The following USP4 variants were observed in gnomAD, a reference collection of about 807,000 sequenced individuals.
USP4 encodes the protein ubiquitin specific peptidase 4.
USP4 carries 72 observed loss-of-function variants against 118.2 expected under a neutral mutation model. The ratio of observed to expected loss-of-function variants is 0.61; its 90% confidence interval spans 0.50 to 0.74. USP4 has a LOEUF of 0.74. Ranked by LOEUF, USP4 falls within the 30% of genes least tolerant of loss-of-function variation. The pLI, the probability that USP4 is intolerant of heterozygous loss-of-function variation, is 0.00. For missense variants in USP4, 1,037 were observed against 1,185.7 expected, an observed-to-expected ratio of 0.87 and a Z score of 1.84; for synonymous variants, 415 against 440.4, an observed-to-expected ratio of 0.94 and a Z score of 0.72.
intron 13 of USP4, among the ~76,000 whole-genome samples, chr3:49,295,567 G>A (rs2047195870): frequency 6.6e-6 from 1 of 152,038 alleles, no homozygotes. Context: ...ATGGGATTGA[G>A]GAGATTTATA....
rs754425162 is a variant in USP4 at position 49,310,742 on chromosome 3, A to C, written c.837-5T>G. 6.2e-7 allele frequency: 1 copy of C among 1,606,478 alleles called. No homozygotes were observed. The highest frequency in any genetic ancestry group is 8.5e-7 in the Non-Finnish European group (1 of 1,173,146). On this transcript the variant is annotated splice_region_variant and splice_polypyrimidine_tract_variant and intron_variant, in intron 7 of 21. Coordinates refer to ENST00000265560, the MANE Select transcript of USP4 (RefSeq NM_003363.4). ...GAAGCAGAAAAGCCAGATCCACTGG[A>C]AAACACAACACACATCAGCAATAAA...
intron 15 of USP4, 21 bp from the exon 16 acceptor site, chr3:49,286,346 AAT>A (rs1464721963): frequency 2.5e-6 from 4 of 1,607,714 alleles, no homozygotes; most frequent in Non-Finnish European, 3.4e-6. Context: ...AATGGAAAAC[AAT>A]ATGTATATAA....
intron 9 of USP4, among the ~76,000 whole-genome samples, chr3:49,303,168 C>T (rs559805504): frequency 1.2e-3 from 176 of 152,238 alleles, no homozygotes; most frequent in African/African-American, 3.9e-3. Flanking sequence ...CAGCCAGGCA[C>T]GGTGGCTCAT....
Position 49,294,467 on chromosome 3 carries a change from G to A in USP4, c.1823C>T (p.Ser608Phe). ...SALYGQPLLL[S>F]VPKHKLTLES... is the part of the protein sequence containing the mutation. Reference sequence around the variant, plus strand: ...AAGGGTTAACTTGTGCTTGGGGACAGAAAGCAATAGTGGCTGCCCATATAG... The same window carrying A: ...AAGGGTTAACTTGTGCTTGGGGACAAAAAGCAATAGTGGCTGCCCATATAG... The change falls in exon 14 of 22, where the codon TCT becomes TTT. Residue 608 changes from serine (S) to phenylalanine (F), a missense_variant. Transcript: ENST00000265560. 2 of 1,614,204 alleles carry A rather than the reference G, an allele frequency of 1.2e-6. No homozygotes were observed. The highest frequency in any genetic ancestry group is 2.2e-5 in the South Asian group (2 of 91,088).
chr3:49,327,264 G>T (rs1456706798), intron 3 of USP4, among the ~76,000 whole-genome samples: 1 of 152,082 alleles, frequency 6.6e-6, no homozygotes, highest in Non-Finnish European at 1.5e-5. Context: ...CAGGCTGGGC[G>T]TAGTGGCTCA....
chr3:49,330,792 C>T (rs1189184886), intron 2 of USP4, among the ~76,000 whole-genome samples: 3 of 150,394 alleles, frequency 2.0e-5, no homozygotes, highest in Non-Finnish European at 3.0e-5. Flanking sequence ...GGGTGGATCA[C>T]GAGATCAGGA....
In USP4 at chr3:49,292,288, G is replaced by GA. The variant is rs146147164; in HGVS notation, c.1972+221dup. Among the ~76,000 whole-genome samples, 378 of 107,902 alleles carry GA rather than the reference G, an allele frequency of 3.5e-3. 1 individual carries two copies. Among genetic ancestry groups the GA allele is most frequent in the East Asian group, 9.3e-3 (36 of 3,884 alleles). The allele number at this position is 107,902 out of a possible 152,430, so 70.8% of individuals were successfully genotyped here. ...GTGACAGGAATGAGACCCCTATCTGGAAAAAAAAAAAAAAAAAAGGAAGAT... is the reference window on the plus strand; with the variant it reads ...GTGACAGGAATGAGACCCCTATCTGGAAAAAAAAAAAAAAAAAAAGGAAGAT... On this transcript the variant is annotated intron_variant, in intron 15 of 21. Transcript: ENST00000265560.
At chr3:49,314,260 G>A (rs2047413713) in intron 6 of USP4, among the ~76,000 whole-genome samples, 1 of 152,176 alleles carries the variant, frequency 6.6e-6, no homozygotes, top group Non-Finnish European at 1.5e-5. Flanking sequence ...GCAGGTACCT[G>A]AACTGAGGTT....
In USP4 at chr3:49,328,938, C is replaced by T. The variant is rs570128119; in HGVS notation, c.230-1122G>A. ...CTCACACCTGTAATCCCAGCACTTTCGGAGGCCGAGGTGGGCAGATCATGA... is the reference window on the plus strand; with the variant it reads ...CTCACACCTGTAATCCCAGCACTTTTGGAGGCCGAGGTGGGCAGATCATGA... On this transcript the variant is annotated intron_variant, in intron 2 of 21. Coordinates refer to ENST00000265560, the MANE Select transcript of USP4 (RefSeq NM_003363.4). Among the ~76,000 whole-genome samples the T allele has an allele frequency of 9.2e-5, 14 of 151,736 alleles. No homozygotes were observed. The East Asian group carries it at 1.6e-3, about 17-fold the overall frequency.
At chr3:49,337,719 G>GA (rs2047684173) in intron 1 of USP4, among the ~76,000 whole-genome samples, 2 of 151,932 alleles carry the variant, frequency 1.3e-5, no homozygotes, top group African/African-American at 4.8e-5. Context: ...TTACAGGCAT[G>GA]AGCCACTGCA....
At chr3:49,301,829 T>C (rs761842247) in intron 10 of USP4, among the ~76,000 whole-genome samples, 1 of 152,200 alleles carries the variant, frequency 6.6e-6, no homozygotes, top group Non-Finnish European at 1.5e-5. Context: ...GTAGCTGAAA[T>C]ACTAAAATCC....
At chr3:49,329,394 T>TTG (rs1274388474) in intron 2 of USP4, among the ~76,000 whole-genome samples, 2 of 151,512 alleles carry the variant, frequency 1.3e-5, no homozygotes, top group Admixed American at 6.6e-5. Context: ...ATGAATATTT[T>TTG]TGTGTGTGTG....
intron 7 of USP4, 54 bp downstream of exon 7, chr3:49,311,460 C>T: frequency 8.8e-6 from 14 of 1,593,266 alleles, no homozygotes; most frequent in Non-Finnish European, 1.2e-5. Context: ...TCTCAAGATA[C>T]AGCCTGGGAA....
intron 9 of USP4, among the ~76,000 whole-genome samples, chr3:49,302,940 C>T (rs2047276091): frequency 6.6e-6 from 1 of 152,160 alleles, no homozygotes; most frequent in African/African-American, 2.4e-5. Context: ...CATAACAGCC[C>T]TCAGGTCCCT....
chr3:49,277,148 C>G lies in USP4; in HGVS notation c.*1145G>C, dbSNP rs577282220. On this transcript the variant is annotated 3_prime_UTR_variant, in exon 22 of 22. Coordinates refer to ENST00000265560, the MANE Select transcript of USP4 (RefSeq NM_003363.4). ...CAGGCCGCTGGCCCTACCGGCACCC[C>G]CCCTTTGGCGAGTCGGCAGCCACGT... 4 of 1,440,212 alleles carry G rather than the reference C, an allele frequency of 2.8e-6. No individual in the cohort carries two copies. The highest frequency in any genetic ancestry group is 2.1e-5 in the Admixed American group (1 of 47,892). 89.2% of individuals were successfully genotyped at this position (1,440,212 alleles called of 1,614,324 possible). A position where few individuals can be genotyped will look rare whatever the true frequency, so the allele number is the denominator to read the frequency against.
Position 49,306,514 on chromosome 3 carries a change from T to G in USP4, c.955-626A>C, listed in dbSNP as rs144154424. ...CACCGCGCCCAGCCTTTTTCATTAG[T>G]TTCTGTTCTTAACGCTATTAGTTCT... On this transcript the variant is annotated intron_variant, in intron 8 of 21. Transcript: ENST00000265560. 2.4e-4 allele frequency among the ~76,000 whole-genome samples: 36 copies of G among 152,050 alleles called. No individual in the cohort carries two copies. In the East Asian group the frequency reaches 6.4e-3, roughly 27 times the overall value.
intron 6 of USP4, chr3:49,317,626 C>T (rs1453849803): frequency 3.5e-6 from 2 of 575,910 alleles, no homozygotes; most frequent in Non-Finnish European, 6.1e-6. Context: ...ACTGCATGCT[C>T]CGCCTCCTGG....
intron 19 of USP4, among the ~76,000 whole-genome samples, chr3:49,281,489 TATACACAC>T (rs1159522304): frequency 1.8e-5 from 2 of 109,078 alleles, no homozygotes; most frequent in South Asian, 2.6e-4. Flanking sequence ...TATATATATA[TATACACAC>T]ACACACACAC....
rs570168938 is a variant in USP4 at position 49,311,879 on chromosome 3, A to T, written c.696-225T>A. ...AGTCCACACCACCACATACCCTTTCAGTGTGAAAAACCACAAGGCTGACCA... is the reference window on the plus strand; with the variant it reads ...AGTCCACACCACCACATACCCTTTCTGTGTGAAAAACCACAAGGCTGACCA... On this transcript the variant is annotated intron_variant, in intron 6 of 21. Coordinates refer to ENST00000265560, the MANE Select transcript of USP4 (RefSeq NM_003363.4). The T allele has an allele frequency of 1.6e-4, 194 of 1,206,144 alleles. 2 individuals carry two copies. The South Asian group carries it at 3.4e-3, about 21-fold the overall frequency. The allele number at this position is 1,206,144 out of a possible 1,614,324, so 74.7% of individuals were successfully genotyped here. A position where few individuals can be genotyped will look rare whatever the true frequency, so the allele number is the denominator to read the frequency against.
Sources: gnomAD v4.1 joint callset for allele counts (sites outside exome capture counted in the v4.1 genomes callset) on GRCh38, gnomAD v4.1.1 for gene constraint, MANE v1.5 for transcripts, NCBI Gene and HGNC (gene_info 2026-07-23, HGNC 2026-07-21) for gene names.